NOVA1: variants seen among roughly 807,000 people sequenced by gnomAD.
NOVA1 encodes RNA-binding protein Nova-1.
Under a neutral mutation model 38.0 loss-of-function variants are expected in NOVA1, and 7 were observed. The ratio of observed to expected loss-of-function variants is 0.18; its 90% CI spans 0.10 to 0.35. NOVA1 has a LOEUF of 0.35. NOVA1 is among the 10% of genes least tolerant of loss of function. The pLI, the probability that NOVA1 is intolerant of heterozygous loss-of-function variation, is 1.00. For missense variants in NOVA1, 460 were observed against 616.0 expected (o/e 0.75, Z 2.68); for synonymous variants, 270 against 232.5 (o/e 1.16, Z -1.47).
At chr14:26,582,527 T>G (rs1299964208) in intron 2 of NOVA1, among the ~76,000 whole-genome samples, 5 of 151,840 alleles carry the variant, frequency 3.3e-5, no homozygotes, top group Non-Finnish European at 7.4e-5. Context: ...CACTTTTTTC[T>G]AAAAATAAAA....
intron 2 of NOVA1, among the ~76,000 whole-genome samples, chr14:26,490,594 G>A (rs563891460): frequency 3.9e-5 from 6 of 152,092 alleles, no homozygotes; most frequent in Non-Finnish European, 7.4e-5. Flanking sequence ...TAATAATGTC[G>A]AACATTTTTG....
At chr14:26,468,387 T>C (rs1884317976) in intron 4 of NOVA1, among the ~76,000 whole-genome samples, 1 of 151,582 alleles carries the variant, frequency 6.6e-6, no homozygotes, top group Non-Finnish European at 1.5e-5. Flanking sequence ...TAGTCAAACC[T>C]ACAGGTGAGA....
chr14:26,490,794 T>A (rs1886270186), intron 2 of NOVA1, among the ~76,000 whole-genome samples: 1 of 149,662 alleles, frequency 6.7e-6, no homozygotes, highest in Non-Finnish European at 1.5e-5. Flanking sequence ...TCCTCCCAGC[T>A]CAGCCCCAAG....
intron 2 of NOVA1, among the ~76,000 whole-genome samples, chr14:26,586,795 T>C (rs1893541630): frequency 6.6e-6 from 1 of 151,200 alleles, no homozygotes; most frequent in Non-Finnish European, 1.5e-5. Flanking sequence ...GATATCCTTT[T>C]CTAAAAGAAA....
intron 2 of NOVA1, among the ~76,000 whole-genome samples, chr14:26,586,489 C>T (rs1028745322): frequency 6.6e-6 from 1 of 150,956 alleles, no homozygotes; most frequent in African/African-American, 2.4e-5. Context: ...ACTATACTTA[C>T]AGGAGTTTTT....
At chr14:26,479,772 AAATG>A in intron 3 of NOVA1, 1 of 474,768 alleles carries the variant, frequency 2.1e-6, no homozygotes. Flanking sequence ...TAACACTAAT[AAATG>A]AATAATTCAA....
chr14:26,486,696 CAAAAAAAAAAAAAAAA>C (rs59078775), intron 2 of NOVA1, among the ~76,000 whole-genome samples: 2 of 23,106 alleles, frequency 8.7e-5, no homozygotes, highest in African/African-American at 3.5e-4. Flanking sequence ...GTGACAGACT[CAAAAAAAAAAAAAAAA>C]AAAAAAAAAG....
intron 2 of NOVA1, among the ~76,000 whole-genome samples, chr14:26,574,830 A>C (rs533619757): frequency 6.6e-6 from 1 of 152,042 alleles, no homozygotes; most frequent in South Asian, 2.1e-4. Context: ...TAATTTAAAA[A>C]AATTTTTTTT....
intron 2 of NOVA1, among the ~76,000 whole-genome samples, chr14:26,498,219 C>T (rs977993028): frequency 1.6e-4 from 25 of 151,788 alleles, no homozygotes; most frequent in Non-Finnish European, 3.1e-4. Flanking sequence ...GCCACCACGC[C>T]CAGTTAATTT....
At chr14:26,491,699 A>T (rs958066830) in intron 2 of NOVA1, among the ~76,000 whole-genome samples, 1 of 152,152 alleles carries the variant, frequency 6.6e-6, no homozygotes, top group Non-Finnish European at 1.5e-5. Context: ...CTTGTTGAAG[A>T]GATTGTTCTC....
At chr14:26,577,518 G>A (rs769555169) in intron 2 of NOVA1, among the ~76,000 whole-genome samples, 2 of 151,972 alleles carry the variant, frequency 1.3e-5, no homozygotes, top group African/African-American at 4.8e-5. Flanking sequence ...TTCTTTACCT[G>A]CCTACACATA....
chr14:26,594,374 T>C (rs1156334313), intron 2 of NOVA1: 1 of 152,024 alleles, frequency 6.6e-6, no homozygotes, highest in East Asian at 1.9e-4. Context: ...CCAGATGTCT[T>C]TGCTGTATTA....
intron 2 of NOVA1, among the ~76,000 whole-genome samples, chr14:26,523,908 GCCCA>G (rs1889099676): frequency 4.0e-5 from 6 of 151,838 alleles, no homozygotes; most frequent in African/African-American, 1.5e-4. Context: ...CCGACACCAT[GCCCA>G]GCTAATTTTT....
At chr14:26,545,125 G>A (rs1048101005) in intron 2 of NOVA1, among the ~76,000 whole-genome samples, 1 of 151,908 alleles carries the variant, frequency 6.6e-6, no homozygotes, top group South Asian at 2.1e-4. Context: ...AAGTAGTGGA[G>A]GAAAATGGCA....
intron 2 of NOVA1, among the ~76,000 whole-genome samples, chr14:26,539,010 C>T (rs1594494197): frequency 6.6e-6 from 1 of 152,138 alleles, no homozygotes; most frequent in Admixed American, 6.5e-5. Flanking sequence ...TAGAGTTCAA[C>T]TCAAATGATC....
chr14:26,470,292 C>A, intron 4 of NOVA1: 1 of 1,358,488 alleles, frequency 7.4e-7, no homozygotes, highest in South Asian at 1.4e-5. Flanking sequence ...TGACAAGAAA[C>A]AAATGAACAA....
rs1411301411 is a variant in NOVA1, at chr14:26,556,708, A to C, written c.280+38702T>G. Among the ~76,000 whole-genome samples the C allele has an allele frequency of 2.6e-5, 4 of 152,306 alleles. No homozygotes were observed. The East Asian group carries it at 7.7e-4, about 29-fold the overall frequency. On this transcript the variant is annotated intron_variant, in intron 2 of 4. Coordinates refer to ENST00000539517, the MANE Select transcript of NOVA1 (RefSeq NM_002515.3). The stretch of plus-strand genomic sequence containing the variant: ...TGGAAAACACTATTAAGAAAATGAA[A>C]AGGTAAGCCACAGATAGGGAAAAAC...
At chr14:26,575,874 A>G (rs1892809065) in intron 2 of NOVA1, among the ~76,000 whole-genome samples, 1 of 152,184 alleles carries the variant, frequency 6.6e-6, no homozygotes. Context: ...ACAGAATGAA[A>G]AAAACATTAA....
At chr14:26,569,833 T>C (rs7141257) in intron 2 of NOVA1, among the ~76,000 whole-genome samples, 2,043 of 152,304 alleles carry the variant, frequency 0.013, 37 homozygotes, top group African/African-American at 0.045. Context: ...CAGCATACTA[T>C]TCCTTAGTTT....
Sources: allele counts gnomAD v4.1 joint callset (sites outside exome capture counted in the v4.1 genomes callset), GRCh38; gene constraint gnomAD v4.1.1; transcripts MANE v1.5; gene names NCBI Gene and HGNC (gene_info 2026-07-23, HGNC 2026-07-21).